UGT1A10: variants seen among roughly 807,000 people sequenced by gnomAD.
The protein encoded by UGT1A10 is UDP-glucuronosyltransferase 1A10.
UGT1A10 carries 49 observed loss-of-function variants against 45.8 expected under a neutral mutation model. That is an observed-to-expected ratio of 1.07 (90% CI 0.85 to 1.36). The LOEUF (loss-of-function observed/expected upper bound fraction) is 1.36, where lower values mean the gene tolerates loss of function less well. Ranked by LOEUF, UGT1A10 falls within the 40% of genes most tolerant of loss-of-function variation. The pLI is 0.00. For synonymous variants in UGT1A10, 284 were observed against 249.7 expected (o/e 1.14, Z -1.29); for missense variants, 745 against 668.6 (o/e 1.11, Z -1.26).
chr2:233,718,517 T>G (rs2076659127), intron 1 of UGT1A10, among the ~76,000 whole-genome samples: 2 of 152,204 alleles, frequency 1.3e-5, no homozygotes, highest in African/African-American at 2.4e-5. Context: ...ATGAAATGGG[T>G]GTCCACAGCC....
At chr2:233,763,486 T>C (rs771875689) in intron 1 of UGT1A10, among the ~76,000 whole-genome samples, 1 of 152,218 alleles carries the variant, frequency 6.6e-6, no homozygotes, top group Non-Finnish European at 1.5e-5. Flanking sequence ...TGATTGTAAC[T>C]CTCTCAGTTT....
At position 233,636,575 on chromosome 2, in the gene UGT1A10, T is replaced by G. The variant is rs1234228886; in HGVS notation, c.53T>G (p.Leu18Arg). ...GTTCCTTTATGTGTGTGTCTACTGC[T>G]GACCTGTGGCTTTGCCGAGGCAGGG... ...SPVPLCVCLL[L>R]TCGFAEAGKL... is the part of the protein sequence containing the mutation. Residue 18 changes from leucine to arginine, a missense_variant, in exon 1 of 5, where the codon CTG (leucine) becomes CGG (arginine). By Grantham distance (102) the Leu-to-Arg change is moderately radical. Transcript: ENST00000344644. 1 of 1,614,096 alleles carries G rather than the reference T, an allele frequency of 6.2e-7. No individual in the cohort carries two copies. Among genetic ancestry groups the G allele is most frequent in the Non-Finnish European group, 8.5e-7 (1 of 1,180,042 alleles).
intron 1 of UGT1A10, among the ~76,000 whole-genome samples, chr2:233,705,578 G>A (rs549130522): frequency 2.0e-5 from 3 of 152,288 alleles, no homozygotes; most frequent in African/African-American, 7.2e-5. Flanking sequence ...GGATAGAAAT[G>A]GTTTATGGAT....
intron 1 of UGT1A10, among the ~76,000 whole-genome samples, chr2:233,666,395 C>G (rs1006985987): frequency 2.0e-5 from 3 of 152,112 alleles, no homozygotes; most frequent in Non-Finnish European, 4.4e-5. Context: ...GCTATTTTAA[C>G]GGGATGTGGA....
chr2:233,731,619 C>CT (rs1415396682), intron 1 of UGT1A10, among the ~76,000 whole-genome samples: 1 of 152,134 alleles, frequency 6.6e-6, no homozygotes, highest in Non-Finnish European at 1.5e-5. Context: ...TGAACTCATC[C>CT]TTTTTTATGG....
Position 233,682,599 on chromosome 2 carries a change from C to A in UGT1A10, c.855+45222C>A, listed in dbSNP as rs765399769. 3 of 1,613,876 alleles carry A rather than the reference C, an allele frequency of 1.9e-6. No individual in the cohort carries two copies. The highest frequency in any genetic ancestry group is 1.3e-5 in the African/African-American group (1 of 75,012). ...CACTTGGAGGAACATTTATTTTGCCCCTATTTTTTCAAAAATGTCTTAGAA... is the reference window on the plus strand; with the variant it reads ...CACTTGGAGGAACATTTATTTTGCCACTATTTTTTCAAAAATGTCTTAGAA... On this transcript the variant is annotated intron_variant, in intron 1 of 4. Transcript: ENST00000344644.
chr2:233,743,081 G>C, intron 1 of UGT1A10: 1 of 347,046 alleles, frequency 2.9e-6, no homozygotes, highest in Non-Finnish European at 5.6e-6. Context: ...GGCATGAAGT[G>C]TTTATAAATT....
At chr2:233,755,940 ATC>A (rs35754645) in intron 1 of UGT1A10, 54,950 of 151,954 alleles carry the variant, frequency 0.36, 10,325 homozygotes, top group African/African-American at 0.45. Flanking sequence ...CAGTTTTTGC[ATC>A]TCTCTCTTTA....
intron 1 of UGT1A10, among the ~76,000 whole-genome samples, chr2:233,727,282 A>G (rs1252298751): frequency 6.6e-6 from 1 of 152,100 alleles, no homozygotes; most frequent in African/African-American, 2.4e-5. Flanking sequence ...CAGACCCTGG[A>G]AGCTGATGAC....
chr2:233,713,140 A>G (rs759679762), intron 1 of UGT1A10: 1 of 1,614,108 alleles, frequency 6.2e-7, no homozygotes, highest in South Asian at 1.1e-5. Context: ...GCCTTGCGGG[A>G]CCTCCATGCG....
intron 1 of UGT1A10, among the ~76,000 whole-genome samples, chr2:233,652,876 G>C (rs184232435): frequency 6.6e-6 from 1 of 152,232 alleles, no homozygotes; most frequent in African/African-American, 2.4e-5. Flanking sequence ...AACATTTGGG[G>C]AAGTATTTAT....
intron 1 of UGT1A10, chr2:233,689,798 T>TTTCTATAGGA: frequency 2.3e-6 from 1 of 430,464 alleles, no homozygotes; most frequent in Admixed American, 2.7e-5. Context: ...TGATCTGTAG[T>TTTCTATAGGA]TTCTATAGGA....
At chr2:233,747,937 A>C in intron 1 of UGT1A10, 1 of 1,613,182 alleles carries the variant, frequency 6.2e-7, no homozygotes, top group Non-Finnish European at 8.5e-7. Flanking sequence ...TTTCAGAGGG[A>C]GGTGTCAGTG....
intron 1 of UGT1A10, chr2:233,753,299 C>G (rs1319108778): frequency 6.6e-6 from 1 of 152,180 alleles, no homozygotes; most frequent in Non-Finnish European, 1.5e-5. Flanking sequence ...AGTGTGAGAC[C>G]CCGTGTGCCC....
At chr2:233,725,447 T>A (rs2077449709) in intron 1 of UGT1A10, among the ~76,000 whole-genome samples, 1 of 152,002 alleles carries the variant, frequency 6.6e-6, no homozygotes, top group Admixed American at 6.5e-5. Context: ...GCCACATACA[T>A]AATTTAAACT....
Position 233,768,248 on chromosome 2 carries a change from C to A in UGT1A10, c.1104C>A (p.Thr368=). The change falls in exon 4 of 5, where the codon ACC becomes ACA. Residue 368 remains threonine, a synonymous_variant. Transcript: ENST00000344644. ...LGHPMTRAFI[T]HAGSHGVYES... is the part of the protein sequence containing the mutation. Reference sequence around the variant, plus strand: ...ACCCGATGACCCGTGCCTTTATCACCCATGCTGGTTCCCATGGTGTTTATG... The same window carrying A: ...ACCCGATGACCCGTGCCTTTATCACACATGCTGGTTCCCATGGTGTTTATG... 1 of 1,614,138 alleles carries A rather than the reference C, an allele frequency of 6.2e-7. No homozygotes were observed. The highest frequency in any genetic ancestry group is 1.1e-5 in the South Asian group (1 of 91,084).
At chr2:233,720,048 C>T (rs12466779) in intron 1 of UGT1A10, among the ~76,000 whole-genome samples, 12,140 of 152,146 alleles carry the variant, frequency 0.08, 618 homozygotes, top group East Asian at 0.2. Context: ...TTCAGCTGAA[C>T]GGTGATGCAA....
intron 1 of UGT1A10, chr2:233,692,991 T>C (rs2075125373): frequency 6.2e-7 from 1 of 1,613,950 alleles, no homozygotes; most frequent in Non-Finnish European, 8.5e-7. Flanking sequence ...GTTGTTACTT[T>C]AACTCTTTCC....
At chr2:233,713,590 C>T in intron 1 of UGT1A10, 1 of 1,613,980 alleles carries the variant, frequency 6.2e-7, no homozygotes, top group Non-Finnish European at 8.5e-7. Flanking sequence ...TTACTAACGA[C>T]CAATTCAGAC....
Sources: allele counts gnomAD v4.1 joint callset (sites outside exome capture counted in the v4.1 genomes callset), GRCh38; gene constraint gnomAD v4.1.1; transcripts MANE v1.5; gene names NCBI Gene and HGNC (gene_info 2026-07-23, HGNC 2026-07-21).